STAU2: variants seen among roughly 807,000 people sequenced by gnomAD.
STAU2 encodes the protein staufen double-stranded RNA binding protein 2, also known as double-stranded RNA-binding protein Staufen homolog 2.
In STAU2, 20 loss-of-function variants were observed where a neutral mutation model predicts 65.9. The ratio of observed to expected loss-of-function variants is 0.30; its 90% confidence interval spans 0.21 to 0.44. The LOEUF (loss-of-function observed/expected upper bound fraction) is 0.44, where lower values mean the gene tolerates loss of function less well. Ranked by LOEUF, STAU2 falls within the 20% of genes least tolerant of loss-of-function variation. The probability of loss-of-function intolerance (pLI) is 1.00; values close to 1 mark genes in which losing one functional copy is unlikely to be tolerated. For synonymous variants in STAU2, 232 were observed against 233.9 expected, an observed-to-expected ratio of 0.99 and a Z score of 0.07; for missense variants, 558 against 683.9, an observed-to-expected ratio of 0.82 and a Z score of 2.05.
At chr8:73,734,297 A>G (rs1328922711) in intron 3 of STAU2, among the ~76,000 whole-genome samples, 8 of 150,734 alleles carry the variant, frequency 5.3e-5, no homozygotes, top group Non-Finnish European at 1.2e-4. Flanking sequence ...CACATGGATA[A>G]TAACACACAT....
intron 3 of STAU2, among the ~76,000 whole-genome samples, chr8:73,737,507 T>C (rs1806520251): frequency 6.6e-6 from 1 of 152,108 alleles, no homozygotes; most frequent in Non-Finnish European, 1.5e-5. Context: ...AGAAAAAAAG[T>C]TTAATTACTT....
At chr8:73,553,931 G>A (rs10458309) in intron 12 of STAU2, among the ~76,000 whole-genome samples, 106,602 of 151,616 alleles carry the variant, frequency 0.7, 38,255 homozygotes, top group Non-Finnish European at 0.79. Context: ...GTCAGTTTCT[G>A]GAGCTTTATC....
intron 4 of STAU2, among the ~76,000 whole-genome samples, chr8:73,695,010 G>C (rs1429188574): frequency 6.6e-6 from 1 of 152,180 alleles, no homozygotes; most frequent in Non-Finnish European, 1.5e-5. Context: ...CGGGGTCCTA[G>C]ATAAATCTGA....
At chr8:73,677,355 T>C (rs1206345122) in intron 5 of STAU2, among the ~76,000 whole-genome samples, 2 of 152,170 alleles carry the variant, frequency 1.3e-5, no homozygotes, top group African/African-American at 2.4e-5. Context: ...ATCCTAGATA[T>C]ATTCCCAAGA....
chr8:73,738,273 C>T lies in STAU2; in HGVS notation c.-18+11G>A. 1.2e-6 allele frequency: 2 copies of T among 1,610,910 alleles called. No homozygotes were observed. Among genetic ancestry groups the T allele is most frequent in the Admixed American group, 1.7e-5 (1 of 59,552 alleles). On this transcript the variant is annotated intron_variant, in intron 3 of 14. Transcript: ENST00000524300. Reference sequence around the variant, plus strand: ...CATGTAAGCATGAAAAATGCCTTAACACAAACTCACCTGATTTATTTGAAG... The same window carrying T: ...CATGTAAGCATGAAAAATGCCTTAATACAAACTCACCTGATTTATTTGAAG...
At chr8:73,482,151 A>G (rs1266234183) in intron 13 of STAU2, among the ~76,000 whole-genome samples, 1 of 150,238 alleles carries the variant, frequency 6.7e-6, no homozygotes, top group Middle Eastern at 3.4e-3. Flanking sequence ...ACCCTGCTGG[A>G]TAGGTGTTGC....
At chr8:73,741,813 C>G (rs1002106500) in intron 1 of STAU2, among the ~76,000 whole-genome samples, 1 of 151,942 alleles carries the variant, frequency 6.6e-6, no homozygotes, top group Non-Finnish European at 1.5e-5. Context: ...ACGCCCGGCC[C>G]GAAACTTCTA....
chr8:73,580,332 A>C (rs569351623), intron 12 of STAU2, among the ~76,000 whole-genome samples: 1 of 152,362 alleles, frequency 6.6e-6, no homozygotes, highest in Admixed American at 6.5e-5. Flanking sequence ...CAACATTATA[A>C]ATTAGTATGC....
At chr8:73,554,782 A>C (rs117151656) in intron 12 of STAU2, among the ~76,000 whole-genome samples, 1 of 152,216 alleles carries the variant, frequency 6.6e-6, no homozygotes, top group African/African-American at 2.4e-5. Flanking sequence ...TATCAGTTAC[A>C]CTATAGAACC....
intron 9 of STAU2, among the ~76,000 whole-genome samples, chr8:73,612,853 T>C (rs1335452939): frequency 1.3e-5 from 2 of 152,222 alleles, no homozygotes; most frequent in Non-Finnish European, 2.9e-5. Flanking sequence ...AGCCAGCAAC[T>C]AAAATGCTGG....
At chr8:73,699,269 G>C (rs996957726) in intron 4 of STAU2, among the ~76,000 whole-genome samples, 1 of 151,660 alleles carries the variant, frequency 6.6e-6, no homozygotes, top group African/African-American at 2.4e-5. Flanking sequence ...TAAAGAACTA[G>C]AAAAATAAGA....
At chr8:73,458,980 T>C (rs964141378) in intron 13 of STAU2, among the ~76,000 whole-genome samples, 1 of 152,222 alleles carries the variant, frequency 6.6e-6, no homozygotes, top group African/African-American at 2.4e-5. Context: ...TTATAAAACA[T>C]TTAAATCATT....
intron 5 of STAU2, among the ~76,000 whole-genome samples, chr8:73,680,377 G>A (rs115353817): frequency 0.01 from 1,585 of 152,142 alleles, 27 homozygotes; most frequent in African/African-American, 0.036. Context: ...AATAACCATC[G>A]CTGCAGTTCA....
Position 73,613,848 on chromosome 8 carries a change from G to T in STAU2, c.787C>A (p.Arg263Ser). The T allele has an allele frequency of 6.2e-7, 1 of 1,613,600 alleles. No homozygotes were observed. The highest frequency in any genetic ancestry group is 8.5e-7 in the Non-Finnish European group (1 of 1,179,818). The change falls in exon 9 of 15, where the codon CGC becomes AGC. Residue 263 changes from arginine to serine, a missense_variant. This residue lies in a region of STAU2 where 199 missense variants were observed against 299.5 expected (regional missense o/e 0.66). Coordinates refer to ENST00000524300, the MANE Select transcript of STAU2 (RefSeq NM_001164380.2). ...EGNSKKLSKK[R>S]AATTVLQELK... ...TCCTGTAAGACGGTGGTCGCAGCGC[G>T]CTTCTTGGAGAGTTTTTTGCTATTT... is the stretch of plus-strand genomic sequence containing the variant.
intron 10 of STAU2, 71 bp downstream of exon 10, chr8:73,603,655 T>C: frequency 1.3e-6 from 2 of 1,545,254 alleles, no homozygotes; most frequent in Non-Finnish European, 1.7e-6. Flanking sequence ...CTAGTTTGCC[T>C]TTCGCCCAAA....
chr8:73,583,737 CA>C (rs1330471659), intron 11 of STAU2, among the ~76,000 whole-genome samples: 2 of 152,038 alleles, frequency 1.3e-5, no homozygotes, highest in African/African-American at 4.8e-5. Flanking sequence ...TAACTTTAAG[CA>C]AACTAAGTCC....
At chr8:73,437,611 T>C (rs1817804342) in intron 13 of STAU2, among the ~76,000 whole-genome samples, 1 of 152,176 alleles carries the variant, frequency 6.6e-6, no homozygotes, top group African/African-American at 2.4e-5. Context: ...TTGTGGCAAT[T>C]TGTCACCACA....
At chr8:73,427,032 G>A (rs1254446228) in intron 13 of STAU2, among the ~76,000 whole-genome samples, 2 of 150,930 alleles carry the variant, frequency 1.3e-5, no homozygotes, top group Non-Finnish European at 2.9e-5. Context: ...GGGTTCAAGC[G>A]ATTCTCCTGC....
chr8:73,530,716 TC>T (rs2128932921), intron 13 of STAU2, among the ~76,000 whole-genome samples: 1 of 151,902 alleles, frequency 6.6e-6, no homozygotes, highest in African/African-American at 2.4e-5. Flanking sequence ...ATTGAAGGAG[TC>T]CTAGGTAGGT....
Sources: allele counts gnomAD v4.1 joint callset (sites outside exome capture counted in the v4.1 genomes callset), GRCh38; gene constraint gnomAD v4.1.1; regional missense constraint gnomAD v4.1.1; transcripts MANE v1.5; gene names NCBI Gene and HGNC (gene_info 2026-07-23, HGNC 2026-07-21).